ERC2: variants seen among roughly 807,000 people sequenced by gnomAD.
ERC2 encodes the protein ELKS/RAB6-interacting/CAST family member 2, also known as ERC protein 2.
A neutral mutation model predicts 114.8 loss-of-function variants in ERC2; 42 were observed. The ratio of observed to expected loss-of-function variants is 0.37; its 90% CI spans 0.29 to 0.47. The LOEUF (loss-of-function observed/expected upper bound fraction) is 0.47. Among genes scored for constraint, ERC2 ranks in the 20% least tolerant of loss-of-function variants. The pLI is 0.99. For synonymous variants in ERC2, 454 were observed against 425.5 expected (o/e 1.07, Z -0.82); for missense variants, 939 against 1,150.7 (o/e 0.82, Z 2.66).
At chr3:56,130,825 A>C (rs946189579) in intron 6 of ERC2, among the ~76,000 whole-genome samples, 16 of 152,194 alleles carry the variant, frequency 1.1e-4, no homozygotes, top group African/African-American at 3.4e-4. Context: ...AAGAGCTTAA[A>C]AACTTTAGAA....
chr3:55,983,788 T>G (rs6799706), intron 12 of ERC2, among the ~76,000 whole-genome samples: 6 of 152,060 alleles, frequency 3.9e-5, no homozygotes, highest in Non-Finnish European at 7.4e-5. Flanking sequence ...CACACATATA[T>G]ATACATATAT....
intron 2 of ERC2, among the ~76,000 whole-genome samples, chr3:56,363,898 A>AAGGAAGGGAAGGAGGGT (rs2059056485): frequency 6.7e-6 from 1 of 150,194 alleles, no homozygotes; most frequent in South Asian, 2.2e-4. Context: ...AGGGGAAGGG[A>AAGGAAGGGAAGGAGGGT]AGGAAGGGAA....
rs530443931 is a variant in ERC2, at chr3:55,655,409, G to A, written c.*39+28385C>T. On this transcript the variant is annotated intron_variant, in intron 17 of 17. Transcript: ENST00000288221. Reference sequence around the variant, plus strand: ...TCAAAATTAGAGGAGCCCCAAGATTGTTTCCTGCACTTGGGCTGGTTGTTG... The same window carrying A: ...TCAAAATTAGAGGAGCCCCAAGATTATTTCCTGCACTTGGGCTGGTTGTTG... 3.9e-5 allele frequency among the ~76,000 whole-genome samples: 6 copies of A among 152,302 alleles called. No individual in the cohort carries two copies. The East Asian group carries it at 1.2e-3, about 29-fold the overall frequency.
Position 56,378,110 on chromosome 3 carries a change from A to T in ERC2, c.657+56241T>A, listed in dbSNP as rs1446436243. 2.0e-5 allele frequency among the ~76,000 whole-genome samples: 3 copies of T among 151,774 alleles called. No individual in the cohort carries two copies. In the East Asian group the frequency reaches 5.8e-4, roughly 29 times the overall value. On this transcript the variant is annotated intron_variant, in intron 2 of 17. Coordinates refer to ENST00000288221, the MANE Select transcript of ERC2 (RefSeq NM_015576.3). The stretch of plus-strand genomic sequence containing the variant: ...GACTATAAATCATGCTGCTATAAAG[A>T]CACATGCACACGTATGTTTATTGCG...
intron 7 of ERC2, among the ~76,000 whole-genome samples, chr3:56,042,250 C>G (rs1427658841): frequency 6.6e-6 from 1 of 152,148 alleles, no homozygotes; most frequent in African/African-American, 2.4e-5. Flanking sequence ...AGATTCATTC[C>G]CAAATGACAT....
intron 3 of ERC2, among the ~76,000 whole-genome samples, chr3:56,189,107 C>A (rs746845721): frequency 6.6e-6 from 1 of 152,168 alleles, no homozygotes; most frequent in East Asian, 1.9e-4. Context: ...TAAGACCAGA[C>A]CACTGGAAAG....
intron 2 of ERC2, among the ~76,000 whole-genome samples, chr3:56,403,988 G>A (rs1234784031): frequency 6.6e-6 from 1 of 152,178 alleles, no homozygotes; most frequent in East Asian, 1.9e-4. Context: ...TTTCCCATCG[G>A]CCACATCGCA....
chr3:55,675,689 C>G (rs1011323271), intron 17 of ERC2, among the ~76,000 whole-genome samples: 5 of 152,068 alleles, frequency 3.3e-5, no homozygotes, highest in Non-Finnish European at 5.9e-5. Context: ...AGTATCTATT[C>G]TCAGGCTACA....
intron 16 of ERC2, among the ~76,000 whole-genome samples, chr3:55,695,783 C>A (rs1418546405): frequency 6.6e-6 from 1 of 152,084 alleles, no homozygotes; most frequent in Non-Finnish European, 1.5e-5. Context: ...TCTCTTTTTT[C>A]ACCTGATACT....
At chr3:55,604,815 G>T (rs1043235536) in intron 17 of ERC2, among the ~76,000 whole-genome samples, 2 of 152,164 alleles carry the variant, frequency 1.3e-5, no homozygotes, top group Admixed American at 6.5e-5. Flanking sequence ...GCCATACGTA[G>T]TTACTCTCCC....
intron 17 of ERC2, among the ~76,000 whole-genome samples, chr3:55,679,436 A>C (rs2061957604): frequency 6.6e-6 from 1 of 152,148 alleles, no homozygotes; most frequent in South Asian, 2.1e-4. Context: ...TCTGGTTTCC[A>C]TCAAAGCCAT....
chr3:55,751,091 T>C (rs577397428), intron 14 of ERC2, among the ~76,000 whole-genome samples: 1 of 152,362 alleles, frequency 6.6e-6, no homozygotes, highest in East Asian at 1.9e-4. Context: ...ACGTGATTGC[T>C]GCATGTTACT....
At chr3:55,671,636 C>A (rs1235508046) in intron 17 of ERC2, among the ~76,000 whole-genome samples, 2 of 152,156 alleles carry the variant, frequency 1.3e-5, no homozygotes, top group Non-Finnish European at 2.9e-5. Context: ...AGTTGCCAAA[C>A]ATAGAAAAAG....
intron 2 of ERC2, among the ~76,000 whole-genome samples, chr3:56,361,598 C>T (rs767413893): frequency 1.3e-5 from 2 of 152,076 alleles, no homozygotes; most frequent in Non-Finnish European, 2.9e-5. Flanking sequence ...AAATTGAAAG[C>T]AACCAAAAAA....
intron 15 of ERC2, among the ~76,000 whole-genome samples, chr3:55,723,835 A>T (rs2064737589): frequency 1.3e-5 from 2 of 152,232 alleles, no homozygotes; most frequent in South Asian, 4.1e-4. Context: ...AAGGGGCAGT[A>T]TGAAGCAAAA....
chr3:56,252,360 C>T (rs1480476769), intron 3 of ERC2, among the ~76,000 whole-genome samples: 2 of 152,140 alleles, frequency 1.3e-5, no homozygotes, highest in Non-Finnish European at 2.9e-5. Flanking sequence ...GCCTCCCATA[C>T]ATGTTCCATC....
chr3:55,862,700 C>T (rs1454801186), intron 14 of ERC2, among the ~76,000 whole-genome samples: 1 of 152,124 alleles, frequency 6.6e-6, no homozygotes, highest in Non-Finnish European at 1.5e-5. Flanking sequence ...TTACTTGGAC[C>T]TATTTAAGAA....
chr3:56,463,526 T>C (rs760711941), intron 1 of ERC2, among the ~76,000 whole-genome samples: 5 of 152,164 alleles, frequency 3.3e-5, no homozygotes, highest in Admixed American at 6.5e-5. Context: ...GTTCTTTTAG[T>C]TGGAAAGGAG....
At chr3:56,112,389 C>T (rs2079006772) in intron 6 of ERC2, among the ~76,000 whole-genome samples, 1 of 146,568 alleles carries the variant, frequency 6.8e-6, no homozygotes, top group East Asian at 2.0e-4. Context: ...GGCCATAGCA[C>T]ATCAACAGAG....
Sources: gnomAD v4.1 joint callset for allele counts (sites outside exome capture counted in the v4.1 genomes callset) on GRCh38, gnomAD v4.1.1 for gene constraint, MANE v1.5 for transcripts, NCBI Gene and HGNC (gene_info 2026-07-23, HGNC 2026-07-21) for gene names.